Variants in VASH1 observed in about 807,000 individuals in gnomAD.
VASH1 encodes the protein vasohibin 1.
In VASH1, 16 loss-of-function variants were observed where a neutral mutation model predicts 35.0. The observed-to-expected ratio is 0.46, with a 90% confidence interval of 0.31 to 0.70. The LOEUF (loss-of-function observed/expected upper bound fraction) is 0.70, where lower values mean the gene tolerates loss of function less well. Ranked by LOEUF, VASH1 falls within the 30% of genes least tolerant of loss-of-function variation. The probability of loss-of-function intolerance (pLI) is 0.05; values close to 1 mark genes in which losing one functional copy is unlikely to be tolerated. For synonymous variants in VASH1, 214 were observed against 200.9 expected (o/e 1.07, Z -0.55); for missense variants, 505 against 510.7 (o/e 0.99, Z 0.11).
Position 76,778,019 on chromosome 14 carries a change from C to T in VASH1, c.973C>T (p.Pro325Ser). 2 of 1,543,562 alleles carry T rather than the reference C, an allele frequency of 1.3e-6. No individual in the cohort carries two copies. The highest frequency in any genetic ancestry group is 1.7e-6 in the Non-Finnish European group (2 of 1,145,380). ...GGACCGGAAGAAGGATGTTTCTTCC[C>T]CGCAGCGGGCCCAGTCCAGCCCCCA... is the stretch of plus-strand genomic sequence containing the variant. ...TKDRKKDVSSPQRAQSSPHRR... is the reference protein window; with the variant it reads ...TKDRKKDVSSSQRAQSSPHRR... The change falls in exon 6 of 7, where the codon CCG becomes TCG. Residue 325 changes from proline (P) to serine (S), a missense_variant. Pro to Ser is a moderately conservative substitution (Grantham distance 74). Coordinates refer to ENST00000167106, the MANE Select transcript of VASH1 (RefSeq NM_014909.5).
intron 4 of VASH1, chr14:76,773,545 G>C (rs916969745): frequency 4.5e-5 from 18 of 403,280 alleles, no homozygotes; most frequent in Non-Finnish European, 6.5e-5. Context: ...CCAAGAACTA[G>C]ACAGTCTGGG....
chr14:76,773,155 G>A lies in VASH1; in HGVS notation c.474G>A (p.Lys158=). 6.2e-7 allele frequency: 1 copy of A among 1,614,022 alleles called. No individual in the cohort carries two copies. Among genetic ancestry groups the A allele is most frequent in the Middle Eastern group, 1.6e-4 (1 of 6,062 alleles). Residue 158 remains lysine, a synonymous_variant, in exon 4 of 7, where the codon AAG becomes AAA. Coordinates refer to ENST00000167106, the MANE Select transcript of VASH1 (RefSeq NM_014909.5). Reference sequence around the variant, plus strand: ...CCCACAGGCTGATGGACCTGGCCAAGGAAATGACCAAAGAGGCCCTGCCAA... The same window carrying A: ...CCCACAGGCTGATGGACCTGGCCAAAGAAATGACCAAAGAGGCCCTGCCAA... ...RPLTGLMDLA[K]EMTKEALPIK...
chr14:76,773,649 A>C (rs78267827), intron 4 of VASH1: 3 of 187,838 alleles, frequency 1.6e-5, no homozygotes, highest in African/African-American at 2.5e-5. Context: ...AAAAAAAAAA[A>C]CCACAAACAA....
rs1358082318 is a variant in VASH1, at chr14:76,779,038, G to C, written c.*20G>C. The C allele has an allele frequency of 1.2e-6, 2 of 1,613,342 alleles. No individual in the cohort carries two copies. The highest frequency in any genetic ancestry group is 1.7e-6 in the Non-Finnish European group (2 of 1,179,798). On this transcript the variant is annotated 3_prime_UTR_variant, in exon 7 of 7. Coordinates refer to ENST00000167106, the MANE Select transcript of VASH1 (RefSeq NM_014909.5). ...GTCTGAGGCGGATGCCAGCACCCCA[G>C]GCCCCACCCACTCTTGGGGGCCAGG...
At chr14:76,767,372 T>G (rs1893672119) in intron 1 of VASH1, among the ~76,000 whole-genome samples, 1 of 152,078 alleles carries the variant, frequency 6.6e-6, no homozygotes, top group African/African-American at 2.4e-5. Flanking sequence ...AGGCCACACT[T>G]TTTGGGCGCA....
chr14:76,765,198 AAAAG>A (rs1253615830), intron 1 of VASH1, among the ~76,000 whole-genome samples: 1 of 145,262 alleles, frequency 6.9e-6, no homozygotes, highest in Non-Finnish European at 1.5e-5. Flanking sequence ...TGGGAACTAA[AAAAG>A]AAATAGTGAG....
Position 76,762,837 on chromosome 14 carries a change from A to G in VASH1, c.16A>G (p.Lys6Glu), listed in dbSNP as rs1325287377. 4.0e-6 allele frequency: 6 copies of G among 1,495,764 alleles called. No homozygotes were observed. Among genetic ancestry groups the G allele is most frequent in the Non-Finnish European group, 5.3e-6 (6 of 1,122,702 alleles). 92.7% of individuals were successfully genotyped at this position (1,495,764 alleles called of 1,614,324 possible). A position where few individuals can be genotyped will look rare whatever the true frequency, so the allele number is the denominator to read the frequency against. MPGGK[K>E]VAGGGSSGAT... Reference sequence around the variant, plus strand: ...AGATTTAGGGATGCCAGGGGGGAAGAAGGTGGCTGGGGGTGGCAGCAGCGG... The same window carrying G: ...AGATTTAGGGATGCCAGGGGGGAAGGAGGTGGCTGGGGGTGGCAGCAGCGG... Residue 6 changes from lysine to glutamate, a missense_variant, in exon 1 of 7, where the codon AAG (lysine) becomes GAG (glutamate). Lys to Glu is a moderately conservative substitution (Grantham distance 56). Coordinates refer to ENST00000167106, the MANE Select transcript of VASH1 (RefSeq NM_014909.5).
Position 76,780,106 on chromosome 14 carries a change from C to T in VASH1, c.*1088C>T, listed in dbSNP as rs1001590942. On this transcript the variant is annotated 3_prime_UTR_variant, in exon 7 of 7. Transcript: ENST00000167106. ...GGGCCCTGGCAGGGAAGAACCTAGG[C>T]ACCTGGGGTTGTCCCCAGCCTGCCC... is the stretch of plus-strand genomic sequence containing the variant. The T allele has an allele frequency of 1.3e-5, 2 of 155,076 alleles. No individual in the cohort carries two copies. The highest frequency in any genetic ancestry group is 4.8e-5 in the African/African-American group (2 of 41,468). 9.6% of individuals were successfully genotyped at this position (155,076 alleles called of 1,614,324 possible).
intron 5 of VASH1, among the ~76,000 whole-genome samples, chr14:76,777,357 A>G (rs940954883): frequency 3.3e-5 from 5 of 152,170 alleles, no homozygotes; most frequent in Non-Finnish European, 7.4e-5. Flanking sequence ...AAGGCATCAG[A>G]TTGGATCTAG....
intron 5 of VASH1, 120 bp from the exon 6 acceptor site, chr14:76,777,839 T>C (rs1022582312): frequency 9.7e-6 from 6 of 619,844 alleles, no homozygotes; most frequent in Non-Finnish European, 1.5e-5. Context: ...GGAAGAGCCA[T>C]GCTTGAGGTT....
intron 4 of VASH1, chr14:76,775,000 G>A (rs1296741653): frequency 6.6e-6 from 1 of 152,206 alleles, no homozygotes; most frequent in African/African-American, 2.4e-5. Context: ...TGCTGGACAT[G>A]GTGTCTGCTA....
intron 1 of VASH1, among the ~76,000 whole-genome samples, chr14:76,769,656 T>C (rs1893737753): frequency 6.6e-6 from 1 of 152,246 alleles, no homozygotes. Flanking sequence ...ATATTTAAAA[T>C]TTAAAATAGT....
At chr14:76,777,237 C>T (rs1185614271) in intron 5 of VASH1, among the ~76,000 whole-genome samples, 1 of 152,244 alleles carries the variant, frequency 6.6e-6, no homozygotes, top group Non-Finnish European at 1.5e-5. Context: ...TGCAGCCAAC[C>T]CTGCGTTAGA....
chr14:76,779,855 T>G lies in VASH1; in HGVS notation c.*837T>G, dbSNP rs1288778146. On this transcript the variant is annotated 3_prime_UTR_variant, in exon 7 of 7. Transcript: ENST00000167106. ...ACTGAGGCCAGCATGGCTGTGGGAG[T>G]TGAGCAAACCCTGGGTGCCAGTCCA... The G allele has an allele frequency of 1.4e-5, 5 of 354,136 alleles. No individual in the cohort carries two copies. The South Asian group carries it at 2.6e-4, about 19-fold the overall frequency. 21.9% of individuals were successfully genotyped at this position (354,136 alleles called of 1,614,324 possible).
At position 76,779,703 on chromosome 14, in the gene VASH1, A is replaced by G. The variant is rs115083366; in HGVS notation, c.*685A>G. On this transcript the variant is annotated 3_prime_UTR_variant, in exon 7 of 7. Transcript: ENST00000167106. ...GGGTGATATGAGAGCGAGCCCAGGG[A>G]AGGACCTCTGGGCAAAAAGTTCCCA... 3.8e-3 allele frequency: 2,225 copies of G among 589,026 alleles called. 36 individuals carry two copies. Among genetic ancestry groups the G allele is most frequent in the African/African-American group, 0.037 (1,964 of 53,696 alleles). 36.5% of individuals were successfully genotyped at this position (589,026 alleles called of 1,614,324 possible). A position where few individuals can be genotyped will look rare whatever the true frequency, so the allele number is the denominator to read the frequency against.
At position 76,773,310 on chromosome 14, in the gene VASH1, C is replaced by T. The variant is rs957831983; in HGVS notation, c.530+99C>T. The T allele has an allele frequency of 3.2e-6, 4 of 1,231,864 alleles. No homozygotes were observed. The African/African-American group carries it at 5.9e-5, about 18-fold the overall frequency. 76.3% of individuals were successfully genotyped at this position (1,231,864 alleles called of 1,614,324 possible). A position where few individuals can be genotyped will look rare whatever the true frequency, so the allele number is the denominator to read the frequency against. On this transcript the variant is annotated intron_variant, in intron 4 of 6. Coordinates refer to ENST00000167106, the MANE Select transcript of VASH1 (RefSeq NM_014909.5). The stretch of plus-strand genomic sequence containing the variant: ...GGGGTAGGTTGAATGGGCTCCAGGG[C>T]TCTCCCATATGCAGTCATCTGCTTG...
intron 1 of VASH1, among the ~76,000 whole-genome samples, chr14:76,767,837 G>A (rs1595269380): frequency 1.3e-5 from 2 of 152,322 alleles, no homozygotes; most frequent in Middle Eastern, 6.8e-3. Flanking sequence ...GAATCCCCAG[G>A]TATTTTCTTG....
At chr14:76,777,085 G>T (rs769523253) in intron 5 of VASH1, among the ~76,000 whole-genome samples, 1 of 152,206 alleles carries the variant, frequency 6.6e-6, no homozygotes, top group Non-Finnish European at 1.5e-5. Flanking sequence ...TCCTGATGGG[G>T]TGATGGGGAA....
In VASH1 at chr14:76,762,687, G is replaced by C. The variant is rs113104711; in HGVS notation, c.-135G>C. On this transcript the variant is annotated 5_prime_UTR_variant, in exon 1 of 7. Transcript: ENST00000167106. Reference sequence around the variant, plus strand: ...TTTTTTTATCAAGTCGTATTTTATTGTACAGGAGCCACGCCCTGATTTCTT... The same window carrying C: ...TTTTTTTATCAAGTCGTATTTTATTCTACAGGAGCCACGCCCTGATTTCTT... The C allele has an allele frequency of 7.7e-4, 566 of 733,328 alleles. 1 individual carries two copies. The African/African-American group carries it at 9.4e-3, about 12-fold the overall frequency. 45.4% of individuals were successfully genotyped at this position (733,328 alleles called of 1,614,324 possible). A position where few individuals can be genotyped will look rare whatever the true frequency, so the allele number is the denominator to read the frequency against.
Sources: gnomAD v4.1 joint callset for allele counts (sites outside exome capture counted in the v4.1 genomes callset) on GRCh38, gnomAD v4.1.1 for gene constraint, MANE v1.5 for transcripts, NCBI Gene and HGNC (gene_info 2026-07-23, HGNC 2026-07-21) for gene names.